Variants in CTNNA2 observed in about 807,000 individuals in gnomAD.
The protein encoded by CTNNA2 is catenin alpha 2.
Under a neutral mutation model 101.0 loss-of-function variants are expected in CTNNA2, and 42 were observed. The observed-to-expected ratio is 0.42, with a 90% CI of 0.32 to 0.54. The LOEUF is 0.54. Among genes scored for constraint, CTNNA2 ranks in the 20% least tolerant of loss-of-function variants. The pLI is 0.14. For synonymous variants in CTNNA2, 450 were observed against 456.4 expected, an observed-to-expected ratio of 0.99 and a Z score of 0.18; for missense variants, 871 against 1,223.1, an observed-to-expected ratio of 0.71 and a Z score of 4.29.
intron 4 of CTNNA2, among the ~76,000 whole-genome samples, chr2:79,431,931 C>A (rs930469548): frequency 6.6e-6 from 1 of 152,102 alleles, no homozygotes; most frequent in East Asian, 1.9e-4. Context: ...GCAATAAAAT[C>A]TCCCATGAGG....
At position 80,430,490 on chromosome 2, in the gene CTNNA2, A is replaced by G. The variant is rs142628233; in HGVS notation, c.1290+10889A>G. On this transcript the variant is annotated intron_variant, in intron 9 of 18. Coordinates refer to ENST00000402739, the MANE Select transcript of CTNNA2 (RefSeq NM_001282597.3). The stretch of plus-strand genomic sequence containing the variant: ...AATGAATTCAAGTTCCCTGGGGTCC[A>G]TGTTCTTTCTCCTGTTCCATATGCT... Among the ~76,000 whole-genome samples the G allele has an allele frequency of 6.8e-3, 1,032 of 152,304 alleles. 8 individuals are homozygous for G. The highest frequency in any genetic ancestry group is 0.023 in the African/African-American group (971 of 41,558).
At chr2:79,288,893 A>G (rs1390315094) in intron 2 of CTNNA2, among the ~76,000 whole-genome samples, 1 of 152,248 alleles carries the variant, frequency 6.6e-6, no homozygotes, top group Non-Finnish European at 1.5e-5. Flanking sequence ...AAGAATGAGA[A>G]AATTGAACAT....
intron 7 of CTNNA2, among the ~76,000 whole-genome samples, chr2:80,040,056 A>G (rs1046336464): frequency 6.6e-6 from 1 of 152,228 alleles, no homozygotes; most frequent in African/African-American, 2.4e-5. Flanking sequence ...ATCTTTCTAC[A>G]TGTCAAAGCT....
intron 3 of CTNNA2, among the ~76,000 whole-genome samples, chr2:79,831,102 A>G (rs1678891987): frequency 6.6e-6 from 1 of 152,076 alleles, no homozygotes. Context: ...GATCAATACA[A>G]ACTTCGGCCA....
chr2:80,589,206 T>C (rs1355594234), intron 14 of CTNNA2, 98 bp from the exon 15 acceptor site: 2 of 1,242,588 alleles, frequency 1.6e-6, no homozygotes, highest in African/African-American at 3.0e-5. Flanking sequence ...CATAAGCCTT[T>C]GCAGGGTCTG....
intron 3 of CTNNA2, among the ~76,000 whole-genome samples, chr2:79,314,064 A>T (rs946360858): frequency 2.0e-5 from 3 of 151,640 alleles, no homozygotes; most frequent in East Asian, 1.9e-4. Context: ...TTCCTAACTC[A>T]CTCACCTAAG....
chr2:79,725,877 G>A (rs1686807511), intron 2 of CTNNA2, among the ~76,000 whole-genome samples: 1 of 152,178 alleles, frequency 6.6e-6, no homozygotes, highest in African/African-American at 2.4e-5. Context: ...TTGAAACACA[G>A]TGAGTGAATG....
chr2:79,908,467 C>T (rs1685568829), intron 6 of CTNNA2, among the ~76,000 whole-genome samples: 1 of 152,138 alleles, frequency 6.6e-6, no homozygotes, highest in African/African-American at 2.4e-5. Flanking sequence ...CACACCATTT[C>T]CTGCAGCAGG....
chr2:80,636,558 T>C (rs927193741), intron 18 of CTNNA2, among the ~76,000 whole-genome samples: 8 of 152,094 alleles, frequency 5.3e-5, no homozygotes, highest in Non-Finnish European at 1.0e-4. Flanking sequence ...TCGAATGAGG[T>C]AAGGTGGTGT....
rs537525959 is a variant in CTNNA2 at position 80,647,915 on chromosome 2, CTTTCTT to C, written c.*53_*58del. 68 of 1,515,860 alleles carry C rather than the reference CTTTCTT, an allele frequency of 4.5e-5. No homozygotes were observed. In the East Asian group the frequency reaches 9.1e-4, roughly 20 times the overall value. The allele number at this position is 1,515,860 out of a possible 1,614,324, so 93.9% of individuals were successfully genotyped here. On this transcript the variant is annotated 3_prime_UTR_variant, in exon 19 of 19. Coordinates refer to ENST00000402739, the MANE Select transcript of CTNNA2 (RefSeq NM_001282597.3). ...AGAAAGCTTTTTCTTTCTTTTCTTT[CTTTCTT>C]TTTCTTTTTAATTCCATTTTTGTAT... is the stretch of plus-strand genomic sequence containing the variant.
intron 4 of CTNNA2, among the ~76,000 whole-genome samples, chr2:79,866,020 G>A (rs898603953): frequency 3.9e-5 from 6 of 152,176 alleles, no homozygotes; most frequent in Non-Finnish European, 7.3e-5. Context: ...CGGCCAGCCT[G>A]CTTTTTTATG....
intron 4 of CTNNA2, among the ~76,000 whole-genome samples, chr2:79,500,425 T>TATTC (rs1366093013): frequency 1.3e-5 from 2 of 152,216 alleles, no homozygotes; most frequent in Non-Finnish European, 2.9e-5. Flanking sequence ...CAAACTTTTA[T>TATTC]ATTCACCTGG....
chr2:79,985,600 C>T (rs1372719998), intron 7 of CTNNA2, among the ~76,000 whole-genome samples: 2 of 152,168 alleles, frequency 1.3e-5, no homozygotes, highest in Admixed American at 1.3e-4. Flanking sequence ...TGGGGTAAAG[C>T]AAATGTTGTC....
At chr2:79,456,429 C>T (rs1227344948) in intron 4 of CTNNA2, among the ~76,000 whole-genome samples, 1 of 152,038 alleles carries the variant, frequency 6.6e-6, no homozygotes, top group Non-Finnish European at 1.5e-5. Context: ...ATTCAATGCA[C>T]AAATATTAAA....
At chr2:80,336,121 C>G (rs1404050036) in intron 7 of CTNNA2, among the ~76,000 whole-genome samples, 1 of 152,126 alleles carries the variant, frequency 6.6e-6, no homozygotes, top group Admixed American at 6.5e-5. Flanking sequence ...GACTTAAAAG[C>G]AAAAGAAATT....
At chr2:80,538,318 G>A (rs956077876) in intron 9 of CTNNA2, among the ~76,000 whole-genome samples, 1 of 152,098 alleles carries the variant, frequency 6.6e-6, no homozygotes, top group Non-Finnish European at 1.5e-5. Flanking sequence ...GTCCTGAATG[G>A]TATTGCCTAG....
intron 1 of CTNNA2, among the ~76,000 whole-genome samples, chr2:79,584,520 C>CT (rs558450184): frequency 0.012 from 1,628 of 134,032 alleles, 4 homozygotes; most frequent in African/African-American, 0.033. Flanking sequence ...GGTAGATTTT[C>CT]TTTTTTTTTT....
rs181473817 is a variant in CTNNA2 at position 79,518,460 on chromosome 2, T to C, written c.-6+5253T>C. ...ATGTTCATATTCTGCAAGTTGAGTTTATGTTGTTCATTATGTATCTGCAGT... is the reference window on the plus strand; with the variant it reads ...ATGTTCATATTCTGCAAGTTGAGTTCATGTTGTTCATTATGTATCTGCAGT... On this transcript the variant is annotated intron_variant, in intron 1 of 18. Coordinates refer to ENST00000402739, the MANE Select transcript of CTNNA2 (RefSeq NM_001282597.3). Among the ~76,000 whole-genome samples, 3 of 152,358 alleles carry C rather than the reference T, an allele frequency of 2.0e-5. No individual in the cohort carries two copies. The East Asian group carries it at 5.8e-4, about 29-fold the overall frequency.
chr2:80,006,601 CCTT>C (rs535148784), intron 7 of CTNNA2, among the ~76,000 whole-genome samples: 270 of 152,228 alleles, frequency 1.8e-3, no homozygotes, highest in African/African-American at 6.2e-3. Context: ...GGATTCAACT[CCTT>C]CTGCTTCAGC....
Sources: allele counts gnomAD v4.1 joint callset (sites outside exome capture counted in the v4.1 genomes callset), GRCh38; gene constraint gnomAD v4.1.1; transcripts MANE v1.5; gene names NCBI Gene and HGNC (gene_info 2026-07-23, HGNC 2026-07-21).